The following C3orf52 variants were observed in gnomAD, a reference collection of about 807,000 sequenced individuals.
C3orf52 encodes the protein chromosome 3 open reading frame 52.
Under a neutral mutation model 24.8 loss-of-function variants are expected in C3orf52, and 22 were observed. That is an observed-to-expected ratio of 0.89 (90% CI 0.63 to 1.27). The LOEUF (loss-of-function observed/expected upper bound fraction) is 1.27, where lower values mean the gene tolerates loss of function less well. C3orf52 is among the 50% of genes most tolerant of loss of function. The pLI, the probability that C3orf52 is intolerant of heterozygous loss-of-function variation, is 0.00. For synonymous variants in C3orf52, 93 were observed against 100.2 expected (o/e 0.93, Z 0.43); for missense variants, 265 against 260.7 (o/e 1.02, Z -0.11).
intron 4 of C3orf52, among the ~76,000 whole-genome samples, chr3:112,126,211 G>A (rs1262077279): frequency 6.6e-6 from 1 of 152,156 alleles, no homozygotes; most frequent in African/African-American, 2.4e-5. Flanking sequence ...AAGTGGCTAG[G>A]GTGGGAGGCT....
intron 1 of C3orf52, among the ~76,000 whole-genome samples, chr3:112,089,342 A>G (rs947782837): frequency 1.3e-5 from 2 of 151,934 alleles, no homozygotes; most frequent in Admixed American, 1.3e-4. Context: ...CCTGACCAAC[A>G]TGGAGAAACC....
intron 3 of C3orf52, among the ~76,000 whole-genome samples, chr3:112,104,551 C>T (rs1206653824): frequency 2.0e-5 from 3 of 152,040 alleles, no homozygotes; most frequent in Admixed American, 2.0e-4. Flanking sequence ...GAGTTGGTAT[C>T]CTGTGATGAT....
chr3:112,118,731 A>G (rs975052946), downstream of C3orf52, among the ~76,000 whole-genome samples: 14 of 152,212 alleles, frequency 9.2e-5, no homozygotes, highest in African/African-American at 3.4e-4. Context: ...TGGTCATCAC[A>G]CAACATCATG....
chr3:112,106,805 G>C (rs1296297700), intron 3 of C3orf52, among the ~76,000 whole-genome samples: 1 of 152,140 alleles, frequency 6.6e-6, no homozygotes, highest in Non-Finnish European at 1.5e-5. Flanking sequence ...CAGCCTGTGT[G>C]ACTACCACAC....
At chr3:112,091,033 TAACTC>T (rs1559969355) in intron 1 of C3orf52, among the ~76,000 whole-genome samples, 1 of 152,142 alleles carries the variant, frequency 6.6e-6, no homozygotes, top group Non-Finnish European at 1.5e-5. Flanking sequence ...GAAATGCACT[TAACTC>T]AAGAGGGATT....
downstream of C3orf52, chr3:112,120,926 CT>C (rs961512244): frequency 2.0e-5 from 3 of 152,138 alleles, no homozygotes; most frequent in African/African-American, 7.2e-5. Flanking sequence ...TTTTTTAACT[CT>C]TTTTTTGTTC....
downstream of C3orf52, chr3:112,122,906 CACATAACTA>C (rs1290376446): frequency 1.3e-5 from 2 of 153,628 alleles, no homozygotes; most frequent in Non-Finnish European, 2.9e-5. Context: ...TGATTCAACT[CACATAACTA>C]ACCAGACCAT....
chr3:112,089,599 G>A (rs987757497), intron 1 of C3orf52, among the ~76,000 whole-genome samples: 9 of 150,482 alleles, frequency 6.0e-5, no homozygotes, highest in Non-Finnish European at 1.0e-4. Context: ...GCCACGTGTT[G>A]TTCAGTTTAG....
intron 2 of C3orf52, among the ~76,000 whole-genome samples, chr3:112,094,977 A>T (rs982100570): frequency 1.3e-5 from 2 of 152,202 alleles, no homozygotes; most frequent in African/African-American, 4.8e-5. Context: ...TTTTCCTCAG[A>T]AACTACATTT....
downstream of C3orf52, chr3:112,129,074 T>A (rs1213037740): frequency 6.6e-6 from 1 of 152,186 alleles, no homozygotes; most frequent in African/African-American, 2.4e-5. Context: ...CATCAAAGCC[T>A]TTGGGGCCCA....
downstream of C3orf52, chr3:112,119,526 C>T (rs1219210513): frequency 4.3e-6 from 3 of 702,786 alleles, no homozygotes; most frequent in Non-Finnish European, 7.8e-6. Context: ...AGAAGATTTG[C>T]CTTCCTTTAC....
chr3:112,128,002 CA>C, intron 4 of C3orf52: 5 of 1,611,346 alleles, frequency 3.1e-6, no homozygotes, highest in Non-Finnish European at 4.2e-6. Flanking sequence ...CTCCTAAAAA[CA>C]ACTGTCCACT....
chr3:112,128,164 C>T, intron 4 of C3orf52: 3 of 960,016 alleles, frequency 3.1e-6, no homozygotes, highest in Non-Finnish European at 5.0e-6. Flanking sequence ...TTTTTTTCTC[C>T]CCGCAAGCGT....
At chr3:112,123,320 A>G in intron 4 of C3orf52, 1 of 1,472,490 alleles carries the variant, frequency 6.8e-7, no homozygotes, top group Non-Finnish European at 9.0e-7. Flanking sequence ...GTGGTATACA[A>G]ACCATGCTCT....
At chr3:112,109,660 A>T in intron 4 of C3orf52, 47 bp downstream of exon 4, 1 of 1,178,188 alleles carries the variant, frequency 8.5e-7, no homozygotes, top group Non-Finnish European at 1.3e-6. Flanking sequence ...CTGGAAAGAG[A>T]TCCCCCCACC....
rs1361457904 is a variant in C3orf52 at position 112,117,501 on chromosome 3, C to T, written c.*855C>T. ...ACTACTATCACTTTGGATAGTCACT[C>T]CATTTATATTTTTATAAACTTCCAT... On this transcript the variant is annotated 3_prime_UTR_variant, in exon 6 of 6. Coordinates refer to ENST00000264848, the MANE Select transcript of C3orf52 (RefSeq NM_024616.3). 2 of 152,778 alleles carry T rather than the reference C, an allele frequency of 1.3e-5. No individual in the cohort carries two copies. Among genetic ancestry groups the T allele is most frequent in the Admixed American group, 6.5e-5 (1 of 15,332 alleles). 9.5% of individuals were successfully genotyped at this position (152,778 alleles called of 1,614,324 possible). A position where few individuals can be genotyped will look rare whatever the true frequency, so the allele number is the denominator to read the frequency against.
chr3:112,116,500 A>G, intron 5 of C3orf52, 142 bp from the exon 6 acceptor site: 1 of 687,880 alleles, frequency 1.5e-6, no homozygotes, highest in Non-Finnish European at 2.4e-6. Context: ...TGAAGACTAA[A>G]TTTCCTCTGT....
intron 4 of C3orf52, among the ~76,000 whole-genome samples, chr3:112,127,191 A>G (rs948816564): frequency 6.6e-6 from 1 of 152,200 alleles, no homozygotes; most frequent in Non-Finnish European, 1.5e-5. Flanking sequence ...AGAAAAAAGT[A>G]AAAGATGAGG....
chr3:112,119,122 C>T (rs890681946), downstream of C3orf52, among the ~76,000 whole-genome samples: 1 of 152,148 alleles, frequency 6.6e-6, no homozygotes, highest in African/African-American at 2.4e-5. Context: ...GTGGCTCAAG[C>T]CTGTAATCCC....
Sources: gnomAD v4.1 joint callset for allele counts (sites outside exome capture counted in the v4.1 genomes callset) on GRCh38, gnomAD v4.1.1 for gene constraint, MANE v1.5 for transcripts, NCBI Gene and HGNC (gene_info 2026-07-23, HGNC 2026-07-21) for gene names.